The following RDX variants were observed in gnomAD, a reference collection of about 807,000 sequenced individuals.
RDX encodes deafness, autosomal recessive 24.
RDX carries 32 observed loss-of-function variants against 83.7 expected under a neutral mutation model. The observed-to-expected ratio is 0.38, with a 90% CI of 0.29 to 0.51. The LOEUF is 0.51. RDX is among the 20% of genes least tolerant of loss of function. The pLI is 0.87. For synonymous variants in RDX, 229 were observed against 222.7 expected (o/e 1.03, Z -0.25); for missense variants, 600 against 689.9 (o/e 0.87, Z 1.46).
At chr11:110,274,223 A>C (rs1240343606) in intron 2 of RDX, among the ~76,000 whole-genome samples, 1 of 152,240 alleles carries the variant, frequency 6.6e-6, no homozygotes, top group African/African-American at 2.4e-5. Flanking sequence ...CGAAACCCAT[A>C]AATCTACCAT....
chr11:110,186,116 A>T (rs1006904523), intron 15 of RDX, among the ~76,000 whole-genome samples: 6 of 152,256 alleles, frequency 3.9e-5, no homozygotes, highest in Admixed American at 3.9e-4. Flanking sequence ...CAGGACTGAC[A>T]TCTGATAGTT....
chr11:110,241,747 T>C (rs981209985), intron 10 of RDX, among the ~76,000 whole-genome samples: 1 of 152,232 alleles, frequency 6.6e-6, no homozygotes, highest in Non-Finnish European at 1.5e-5. Context: ...AATATCCATG[T>C]TCATAACAGT....
chr11:110,295,152 A>C (rs957590974), intron 1 of RDX, among the ~76,000 whole-genome samples: 4 of 152,212 alleles, frequency 2.6e-5, no homozygotes, highest in African/African-American at 9.7e-5. Context: ...AGAAATTCTG[A>C]AAATAAAAAA....
chr11:110,232,490 C>T (rs1420490098), intron 13 of RDX, among the ~76,000 whole-genome samples: 1 of 152,052 alleles, frequency 6.6e-6, no homozygotes, highest in East Asian at 1.9e-4. Context: ...TATTAAAATC[C>T]TCTACTTTGA....
At chr11:110,184,798 G>A (rs1364473752) in intron 15 of RDX, among the ~76,000 whole-genome samples, 4 of 152,212 alleles carry the variant, frequency 2.6e-5, no homozygotes, top group African/African-American at 9.7e-5. Flanking sequence ...CGTTTGTGGA[G>A]TAAAAGAAAG....
At chr11:110,205,049 C>A (rs1161864258) in intron 14 of RDX, among the ~76,000 whole-genome samples, 2 of 152,054 alleles carry the variant, frequency 1.3e-5, no homozygotes, top group African/African-American at 4.8e-5. Flanking sequence ...AGTATTGACA[C>A]AGGGATAGAA....
intron 1 of RDX, among the ~76,000 whole-genome samples, chr11:110,289,554 G>C (rs1393800942): frequency 6.6e-6 from 1 of 152,118 alleles, no homozygotes; most frequent in Admixed American, 6.6e-5. Flanking sequence ...TTTAATCCAA[G>C]CCAAAGGGAT....
At chr11:110,279,171 T>C (rs1860648254) in intron 2 of RDX, among the ~76,000 whole-genome samples, 1 of 152,186 alleles carries the variant, frequency 6.6e-6, no homozygotes, top group African/African-American at 2.4e-5. Context: ...CCATACTCCC[T>C]TGGGTAACTA....
In RDX at chr11:110,231,306, T is replaced by A. The variant is rs1289371678; in HGVS notation, c.*563A>T. 1 of 157,132 alleles carries A rather than the reference T, an allele frequency of 6.4e-6. No individual in the cohort carries two copies. Among genetic ancestry groups the A allele is most frequent in the Non-Finnish European group, 1.4e-5 (1 of 70,818 alleles). 9.7% of individuals were successfully genotyped at this position (157,132 alleles called of 1,614,324 possible). The stretch of plus-strand genomic sequence containing the variant: ...ACATTATTAAATGTTCTAATCTCTT[T>A]CCTGATTCATAGCCATATTCTACAT... On this transcript the variant is annotated 3_prime_UTR_variant, in exon 14 of 14. Coordinates refer to ENST00000645495, the MANE Select transcript of RDX (RefSeq NM_002906.4).
At chr11:110,246,462 C>T (rs1859109607) in intron 10 of RDX, among the ~76,000 whole-genome samples, 1 of 152,124 alleles carries the variant, frequency 6.6e-6, no homozygotes, top group Non-Finnish European at 1.5e-5. Flanking sequence ...ACTTTTTAAG[C>T]ACCAACATGG....
At chr11:110,270,460 TG>T (rs202133638) in intron 3 of RDX, among the ~76,000 whole-genome samples, 2,034 of 152,272 alleles carry the variant, frequency 0.013, 14 homozygotes, top group Non-Finnish European at 0.02. Flanking sequence ...CTGATCGAAA[TG>T]TCATTATGCG....
In RDX at chr11:110,284,512, C is replaced by T. The variant is rs921358350; in HGVS notation, c.-64-4756G>A. On this transcript the variant is annotated intron_variant, in intron 1 of 13. Coordinates refer to ENST00000645495, the MANE Select transcript of RDX (RefSeq NM_002906.4). Reference sequence around the variant, plus strand: ...ACCCATCCATCAACACAGAAAAACACAGGTATTATTATTATTTTTTTTTTT... The same window carrying T: ...ACCCATCCATCAACACAGAAAAACATAGGTATTATTATTATTTTTTTTTTT... 5.0e-5 allele frequency among the ~76,000 whole-genome samples: 7 copies of T among 139,300 alleles called. No individual in the cohort carries two copies. The South Asian group carries it at 1.6e-3, about 32-fold the overall frequency. The allele number at this position is 139,300 out of a possible 152,430, so 91.4% of individuals were successfully genotyped here.
intron 3 of RDX, among the ~76,000 whole-genome samples, chr11:110,265,096 AGTTTTTTTTTTT>A (rs1256747824): frequency 7.4e-6 from 1 of 134,294 alleles, no homozygotes; most frequent in African/African-American, 2.7e-5. Flanking sequence ...TTTGAAAAGA[AGTTTTTTTTTTT>A]GTTTTTTTTT....
chr11:110,285,389 G>A (rs1034405436), intron 1 of RDX, among the ~76,000 whole-genome samples: 1 of 151,522 alleles, frequency 6.6e-6, no homozygotes, highest in East Asian at 1.9e-4. Flanking sequence ...CATCTCAAAA[G>A]AAAATAAAAG....
intron 1 of RDX, among the ~76,000 whole-genome samples, chr11:110,291,455 T>G (rs1465375558): frequency 6.6e-6 from 1 of 152,100 alleles, no homozygotes; most frequent in African/African-American, 2.4e-5. Flanking sequence ...AGTTGACTGG[T>G]TAGGTATAGA....
intron 14 of RDX, among the ~76,000 whole-genome samples, chr11:110,215,036 CAA>C (rs1195888196): frequency 0.016 from 1,950 of 125,712 alleles, 21 homozygotes; most frequent in African/African-American, 0.025. Flanking sequence ...GGAGACCTAA[CAA>C]AAAAAAAAAA....
chr11:110,209,214 AGAAAGGGGTGACGGACGGCACCT>A (rs1431765065), intron 14 of RDX, among the ~76,000 whole-genome samples: 1 of 152,122 alleles, frequency 6.6e-6, no homozygotes, highest in Non-Finnish European at 1.5e-5. Flanking sequence ...TCTGAGTCAA[AGAAAGGGGTGACGGACGGCACCT>A]GGAAAATCGG....
chr11:110,211,864 T>A (rs1226595006), intron 14 of RDX, among the ~76,000 whole-genome samples: 13 of 151,106 alleles, frequency 8.6e-5, no homozygotes. Flanking sequence ...TAGCACTAAA[T>A]GCCCACAAGA....
At chr11:110,236,899 C>T (rs1429781437) in intron 11 of RDX, among the ~76,000 whole-genome samples, 3 of 152,030 alleles carry the variant, frequency 2.0e-5, no homozygotes, top group Admixed American at 6.6e-5. Context: ...GGATTACAGG[C>T]GTGAGCCACT....
Sources: gnomAD v4.1 joint callset for allele counts (sites outside exome capture counted in the v4.1 genomes callset) on GRCh38, gnomAD v4.1.1 for gene constraint, MANE v1.5 for transcripts, NCBI Gene and HGNC (gene_info 2026-07-23, HGNC 2026-07-21) for gene names.